The following KCNIP3 variants were observed in gnomAD, a reference collection of about 807,000 sequenced individuals.
KCNIP3 encodes the protein calsenilin.
Under a neutral mutation model 35.0 loss-of-function variants are expected in KCNIP3, and 28 were observed. That is an observed-to-expected ratio of 0.80 (90% CI 0.59 to 1.10). KCNIP3 has a LOEUF of 1.10. Ranked by LOEUF, KCNIP3 falls within the 50% of genes least tolerant of loss-of-function variation. The pLI is 0.00. For missense variants in KCNIP3, 295 were observed against 338.4 expected (o/e 0.87, Z 1.01); for synonymous variants, 134 against 133.8 (o/e 1.00, Z -0.01).
Position 95,378,898 on chromosome 2 carries a change from A to ACG in KCNIP3, c.448-2698_448-2697insCG, listed in dbSNP as rs1680270262. The stretch of plus-strand genomic sequence containing the variant: ...CACACATATATATACACACACACAC[A>ACG]TATATATATATATATTCATTGTCTT... On this transcript the variant is annotated intron_variant, in intron 5 of 8. Transcript: ENST00000295225. This position sits in a 1 kb window ranked among gnomAD's most constrained non-coding sequence, Gnocchi z 4.0. Among the ~76,000 whole-genome samples, 1 of 145,470 alleles carries ACG rather than the reference A, an allele frequency of 6.9e-6. No individual in the cohort carries two copies. Among genetic ancestry groups the ACG allele is most frequent in the African/African-American group, 2.6e-5 (1 of 38,758 alleles).
chr2:95,298,285 C>T (rs1376673328), intron 1 of KCNIP3, among the ~76,000 whole-genome samples: 6 of 152,100 alleles, frequency 3.9e-5, no homozygotes, highest in Non-Finnish European at 8.8e-5. Context: ...ACAAGGTTAG[C>T]GGGGTTTCTC....
At chr2:95,344,153 C>T (rs1207820106) in intron 2 of KCNIP3, among the ~76,000 whole-genome samples, 3 of 152,082 alleles carry the variant, frequency 2.0e-5, no homozygotes, top group African/African-American at 4.8e-5. Context: ...TTCCTCAAAG[C>T]AATGAGTGCT....
chr2:95,329,732 T>C (rs1174829429), intron 2 of KCNIP3, among the ~76,000 whole-genome samples: 2 of 152,238 alleles, frequency 1.3e-5, no homozygotes, highest in Non-Finnish European at 2.9e-5. Context: ...GGTTTGTGGC[T>C]GGCGTGCACG....
chr2:95,335,721 AT>A (rs1309257376), intron 2 of KCNIP3, among the ~76,000 whole-genome samples: 1 of 152,160 alleles, frequency 6.6e-6, no homozygotes, highest in Non-Finnish European at 1.5e-5. Context: ...TATTTTTAAA[AT>A]TATTATCATA....
chr2:95,334,298 G>A (rs1160538820), intron 2 of KCNIP3, among the ~76,000 whole-genome samples: 1 of 152,200 alleles, frequency 6.6e-6, no homozygotes, highest in Non-Finnish European at 1.5e-5. Context: ...ATGTCCCATA[G>A]GACCCTGTTT....
chr2:95,350,514 C>T (rs578168930), intron 2 of KCNIP3, among the ~76,000 whole-genome samples: 1 of 152,292 alleles, frequency 6.6e-6, no homozygotes, highest in East Asian at 1.9e-4. Flanking sequence ...CTCCTGTCCC[C>T]TCTGCTCCAC....
chr2:95,301,084 G>A (rs1349855452), intron 1 of KCNIP3, among the ~76,000 whole-genome samples: 5 of 152,008 alleles, frequency 3.3e-5, no homozygotes, highest in African/African-American at 4.8e-5. Flanking sequence ...CAGCTCTGTC[G>A]TGGGATCCTC....
At chr2:95,306,810 C>CGCCTCT (rs1678189446) in intron 1 of KCNIP3, among the ~76,000 whole-genome samples, 1 of 152,166 alleles carries the variant, frequency 6.6e-6, no homozygotes, top group Non-Finnish European at 1.5e-5. Flanking sequence ...GCCAGGGGGC[C>CGCCTCT]GCCTCTTAGG....
intron 8 of KCNIP3, 92 bp from the exon 9 acceptor site, chr2:95,383,910 C>T: frequency 9.2e-7 from 1 of 1,081,258 alleles, no homozygotes. Flanking sequence ...GCAGTCGCTG[C>T]AGGCTCCGAG....
chr2:95,374,889 C>T lies in KCNIP3; in HGVS notation c.348C>T (p.Leu116=), dbSNP rs1391373242. 20 of 1,614,048 alleles carry T rather than the reference C, an allele frequency of 1.2e-5. No individual in the cohort carries two copies. Among genetic ancestry groups the T allele is most frequent in the Non-Finnish European group, 1.7e-5 (20 of 1,180,010 alleles). The change falls in exon 4 of 9, where the codon CTC becomes CTT. Residue 116 remains leucine (L), a synonymous_variant. Transcript: ENST00000295225. ...TGLVDEDTFK[L]IYAQFFPQGD... ...TGGTGGACGAAGACACCTTCAAACTCATTTACGCGCAGTTCTTCCCTCAGG... is the reference window on the plus strand; with the variant it reads ...TGGTGGACGAAGACACCTTCAAACTTATTTACGCGCAGTTCTTCCCTCAGG...
chr2:95,376,946 T>C lies in KCNIP3; in HGVS notation c.447+1738T>C, dbSNP rs984658607. Among the ~76,000 whole-genome samples, 4 of 152,228 alleles carry C rather than the reference T, an allele frequency of 2.6e-5. No individual in the cohort carries two copies. Among genetic ancestry groups the C allele is most frequent in the South Asian group, 4.1e-4 (2 of 4,834 alleles). On this transcript the variant is annotated intron_variant, in intron 5 of 8. Transcript: ENST00000295225. The surrounding 1 kb of genome is among the most constrained non-coding windows in gnomAD (Gnocchi z 4.2). ...GCATATTAGTTACAGTTTACTGATA[T>C]GGTAAAAGGTAATACCCTCCCTCCG... is the stretch of plus-strand genomic sequence containing the variant.
chr2:95,356,958 T>C (rs1679669705), intron 2 of KCNIP3, among the ~76,000 whole-genome samples: 1 of 152,200 alleles, frequency 6.6e-6, no homozygotes, highest in Non-Finnish European at 1.5e-5. Flanking sequence ...TCCCGTGCCC[T>C]GTAGGGTCAG....
At chr2:95,337,337 A>G (rs2104252545) in intron 2 of KCNIP3, among the ~76,000 whole-genome samples, 1 of 146,300 alleles carries the variant, frequency 6.8e-6, no homozygotes, top group Non-Finnish European at 1.5e-5. Context: ...CAGGTCCTAG[A>G]GTTGTTTTCA....
At chr2:95,310,601 G>A in intron 2 of KCNIP3, 81 bp downstream of exon 2, 1 of 1,520,118 alleles carries the variant, frequency 6.6e-7, no homozygotes, top group Non-Finnish European at 9.1e-7. Flanking sequence ...GGGCTCAAAG[G>A]CCAGCCTGGG....
chr2:95,307,316 G>A (rs1478553549), intron 1 of KCNIP3, among the ~76,000 whole-genome samples: 2 of 152,152 alleles, frequency 1.3e-5, no homozygotes, highest in African/African-American at 4.8e-5. Context: ...GAGGGGCTTC[G>A]GAACACACCC....
chr2:95,321,587 G>T (rs1196875086), intron 2 of KCNIP3, among the ~76,000 whole-genome samples: 1 of 152,230 alleles, frequency 6.6e-6, no homozygotes, highest in Non-Finnish European at 1.5e-5. Flanking sequence ...TAGACATTGA[G>T]TGCGTGTCAA....
chr2:95,347,551 G>A (rs1679408164), intron 2 of KCNIP3, among the ~76,000 whole-genome samples: 1 of 152,152 alleles, frequency 6.6e-6, no homozygotes, highest in Non-Finnish European at 1.5e-5. Context: ...CTCCCCTTTC[G>A]CCCCGCACCT....
chr2:95,318,974 C>T (rs149132121), intron 2 of KCNIP3, among the ~76,000 whole-genome samples: 55 of 152,324 alleles, frequency 3.6e-4, no homozygotes, highest in African/African-American at 1.1e-3. Flanking sequence ...CTGCAGCCGC[C>T]GGCAGGGCTG....
intron 2 of KCNIP3, among the ~76,000 whole-genome samples, chr2:95,327,613 A>G (rs1678825265): frequency 6.6e-6 from 1 of 152,118 alleles, no homozygotes; most frequent in South Asian, 2.1e-4. Context: ...GTGGCAGGAC[A>G]CCTTCTCTGT....
Sources: allele counts gnomAD v4.1 joint callset (sites outside exome capture counted in the v4.1 genomes callset), GRCh38; gene constraint gnomAD v4.1.1; non-coding constraint Gnocchi (gnomAD v3.1); transcripts MANE v1.5; gene names NCBI Gene and HGNC (gene_info 2026-07-23, HGNC 2026-07-21).